Variants in IL1RAP observed in about 807,000 individuals in gnomAD.
IL1RAP encodes interleukin-1 receptor accessory protein.
A neutral mutation model predicts 60.7 loss-of-function variants in IL1RAP; 35 were observed. That is an observed-to-expected ratio of 0.58 (90% confidence interval 0.44 to 0.76). The LOEUF is 0.76. Among genes scored for constraint, IL1RAP ranks in the 30% least tolerant of loss-of-function variants. The pLI is 0.00. For missense variants in IL1RAP, 572 were observed against 693.9 expected (o/e 0.82, Z 1.97); for synonymous variants, 268 against 250.9 (o/e 1.07, Z -0.64).
At chr3:190,638,937 G>T (rs1211459800) in intron 9 of IL1RAP, among the ~76,000 whole-genome samples, 1 of 151,870 alleles carries the variant, frequency 6.6e-6, no homozygotes, top group African/African-American at 2.4e-5. Flanking sequence ...ATTGTCTCCT[G>T]GCTAATATTA....
At chr3:190,647,511 C>T (rs1337178674) in intron 11 of IL1RAP, among the ~76,000 whole-genome samples, 2 of 152,136 alleles carry the variant, frequency 1.3e-5, no homozygotes, top group Non-Finnish European at 2.9e-5. Flanking sequence ...AATTACATGG[C>T]ATTTCCAGTT....
chr3:190,532,744 T>C (rs1250614241), intron 1 of IL1RAP, among the ~76,000 whole-genome samples: 1 of 152,116 alleles, frequency 6.6e-6, no homozygotes, highest in Non-Finnish European at 1.5e-5. Flanking sequence ...TCCAGTTTGC[T>C]TGCACGTACA....
intron 1 of IL1RAP, chr3:190,516,416 C>T (rs1344839178): frequency 6.6e-6 from 1 of 152,176 alleles, no homozygotes; most frequent in East Asian, 1.9e-4. Flanking sequence ...AAAGCTAATT[C>T]CTTTGGTTCT....
At chr3:190,635,370 C>T (rs1017567199) in intron 9 of IL1RAP, among the ~76,000 whole-genome samples, 1 of 151,976 alleles carries the variant, frequency 6.6e-6, no homozygotes, top group African/African-American at 2.4e-5. Context: ...TATTCATATA[C>T]TTATTTTCCT....
chr3:190,544,786 C>T (rs1440846920), intron 1 of IL1RAP, among the ~76,000 whole-genome samples: 1 of 152,234 alleles, frequency 6.6e-6, no homozygotes, highest in Non-Finnish European at 1.5e-5. Context: ...CATGCATTAG[C>T]ATCCTGAAAG....
intron 4 of IL1RAP, among the ~76,000 whole-genome samples, 175 bp from the exon 5 acceptor site, chr3:190,608,820 T>C (rs28744409): frequency 0.66 from 99,695 of 151,374 alleles, 33,906 homozygotes; most frequent in East Asian, 0.82. Flanking sequence ...TTTTTTATTC[T>C]GTGATGTCAA....
chr3:190,565,420 T>A (rs1726298702), intron 3 of IL1RAP, among the ~76,000 whole-genome samples: 1 of 152,244 alleles, frequency 6.6e-6, no homozygotes, highest in Non-Finnish European at 1.5e-5. Flanking sequence ...TGCCTTCAAC[T>A]GTTTTTCATA....
chr3:190,597,337 T>G (rs1256056844), intron 3 of IL1RAP, among the ~76,000 whole-genome samples: 2 of 152,202 alleles, frequency 1.3e-5, no homozygotes, highest in African/African-American at 4.8e-5. Flanking sequence ...TTTTTGTTAA[T>G]CAAGATAGGC....
intron 1 of IL1RAP, among the ~76,000 whole-genome samples, chr3:190,519,760 A>AT (rs1425724627): frequency 4.0e-5 from 6 of 151,682 alleles, no homozygotes; most frequent in African/African-American, 7.3e-5. Flanking sequence ...TATTATTATT[A>AT]TTTTTTTTAC....
chr3:190,559,362 A>G (rs533336717), intron 2 of IL1RAP, among the ~76,000 whole-genome samples: 3 of 152,036 alleles, frequency 2.0e-5, no homozygotes, highest in Admixed American at 2.0e-4. Context: ...TTCTATATGT[A>G]TATATTTCCT....
At chr3:190,560,204 A>T (rs914163967) in intron 2 of IL1RAP, among the ~76,000 whole-genome samples, 1 of 152,224 alleles carries the variant, frequency 6.6e-6, no homozygotes, top group Non-Finnish European at 1.5e-5. Context: ...GCAGTAACTT[A>T]GAGAAAATAA....
intron 3 of IL1RAP, among the ~76,000 whole-genome samples, chr3:190,566,078 C>T (rs137998667): frequency 7.4e-4 from 112 of 152,006 alleles, no homozygotes; most frequent in Middle Eastern, 3.4e-3. Flanking sequence ...TTCTCTCCAT[C>T]TCTTTTTCTT....
intron 1 of IL1RAP, among the ~76,000 whole-genome samples, chr3:190,515,562 A>G (rs1226194731): frequency 6.6e-6 from 1 of 151,858 alleles, no homozygotes; most frequent in Non-Finnish European, 1.5e-5. Context: ...GATGTGGATC[A>G]TGGATGCTTA....
At chr3:190,631,069 A>G (rs1314700297) in intron 9 of IL1RAP, among the ~76,000 whole-genome samples, 1 of 152,168 alleles carries the variant, frequency 6.6e-6, no homozygotes, top group Non-Finnish European at 1.5e-5. Context: ...CAATCAAGTT[A>G]CTTTAGTTAG....
rs147926475 is a variant in IL1RAP, at chr3:190,539,088, A to G, written c.-88-17042A>G. Among the ~76,000 whole-genome samples, 257 of 152,010 alleles carry G rather than the reference A, an allele frequency of 1.7e-3. 1 individual carries two copies. Among genetic ancestry groups the G allele is most frequent in the African/African-American group, 5.7e-3 (236 of 41,376 alleles). On this transcript the variant is annotated intron_variant, in intron 1 of 11. Transcript: ENST00000447382. ...CTTATCAAATCTCTTTCCTCCTCTC[A>G]CCTCTTTGAGAAAGAGTTACAGTGG...
At position 190,553,871 on chromosome 3, in the gene IL1RAP, TA is replaced by T. The variant is rs1169952405; in HGVS notation, c.-88-2254del. On this transcript the variant is annotated intron_variant, in intron 1 of 11. Coordinates refer to ENST00000447382, the MANE Select transcript of IL1RAP (RefSeq NM_002182.4). Reference sequence around the variant, plus strand: ...GTCAGGAGATCGAGACCATCCCGGCTAAAAACGGTGAAACCCCGCCTCTACT... The same window carrying T: ...GTCAGGAGATCGAGACCATCCCGGCTAAAACGGTGAAACCCCGCCTCTACT... Among the ~76,000 whole-genome samples the T allele has an allele frequency of 1.1e-4, 16 of 151,442 alleles. No homozygotes were observed. In the South Asian group the frequency reaches 2.3e-3, roughly 22 times the overall value.
At chr3:190,613,592 A>G (rs542764968) in intron 5 of IL1RAP, among the ~76,000 whole-genome samples, 2 of 152,322 alleles carry the variant, frequency 1.3e-5, no homozygotes, top group Admixed American at 1.3e-4. Context: ...AACAATTACC[A>G]TGGCCAATAT....
At chr3:190,522,524 T>G (rs1427977473) in intron 1 of IL1RAP, among the ~76,000 whole-genome samples, 2 of 152,088 alleles carry the variant, frequency 1.3e-5, no homozygotes, top group African/African-American at 2.4e-5. Context: ...TTTTAATAGC[T>G]GGCACCTAGA....
rs1177064369 is a variant in IL1RAP at position 190,519,205 on chromosome 3, A to G, written c.-89+4986A>G. Among the ~76,000 whole-genome samples, 3 of 152,196 alleles carry G rather than the reference A, an allele frequency of 2.0e-5. No homozygotes were observed. The East Asian group carries it at 5.8e-4, about 29-fold the overall frequency. On this transcript the variant is annotated intron_variant, in intron 1 of 11. Transcript: ENST00000447382. The stretch of plus-strand genomic sequence containing the variant: ...ATCTTTAAGATTCCTTTCAACTTTG[A>G]GATTCTGTAATCACATCTATTTGCA...
Sources: gnomAD v4.1 joint callset for allele counts (sites outside exome capture counted in the v4.1 genomes callset) on GRCh38, gnomAD v4.1.1 for gene constraint, MANE v1.5 for transcripts, NCBI Gene and HGNC (gene_info 2026-07-23, HGNC 2026-07-21) for gene names.